CEP43: variants seen among roughly 807,000 people sequenced by gnomAD.
CEP43 encodes FGFR1 oncogene partner.
Under a neutral mutation model 52.6 loss-of-function variants are expected in CEP43, and 36 were observed. That is an observed-to-expected ratio of 0.68 (90% CI 0.52 to 0.90). The LOEUF is 0.90. CEP43 is among the 40% of genes least tolerant of loss of function. The pLI is 0.00. For synonymous variants in CEP43, 192 were observed against 172.4 expected (o/e 1.11, Z -0.89); for missense variants, 506 against 472.8 (o/e 1.07, Z -0.65).
chr6:167,017,975 CAT>C (rs141419274), intron 7 of CEP43, among the ~76,000 whole-genome samples: 3,102 of 152,298 alleles, frequency 0.02, 50 homozygotes, highest in East Asian at 0.091. Context: ...TAAAACAACA[CAT>C]GTGTTGTGTC....
Position 167,009,346 on chromosome 6 carries a change from C to G in CEP43, c.439-1467C>G, listed in dbSNP as rs534972217. Among the ~76,000 whole-genome samples the G allele has an allele frequency of 4.6e-5, 7 of 151,716 alleles. No homozygotes were observed. In the South Asian group the frequency reaches 1.5e-3, roughly 32 times the overall value. The stretch of plus-strand genomic sequence containing the variant: ...CCAACATAGTGAAACCCTCTGTCTA[C>G]TAAAACCACAAAAATTAGCTGGGCA... On this transcript the variant is annotated intron_variant, in intron 5 of 12. Coordinates refer to ENST00000366847, the MANE Select transcript of CEP43 (RefSeq NM_007045.4).
In CEP43 at chr6:167,033,883, A is replaced by G. The variant is rs1303957297; in HGVS notation, c.1037A>G (p.His346Arg). The change falls in exon 12 of 13, where the codon CAT (histidine) becomes CGT (arginine). Residue 346 changes from histidine (H) to arginine (R), a missense_variant. Coordinates refer to ENST00000366847, the MANE Select transcript of CEP43 (RefSeq NM_007045.4). ...TCCCCTTCTGAAATTAGTACCAGCCATCGCTCAGAGAAAAGTGAGATAAGT... is the reference window on the plus strand; with the variant it reads ...TCCCCTTCTGAAATTAGTACCAGCCGTCGCTCAGAGAAAAGTGAGATAAGT... ...DYVDDFNSTS[H>R]RSEKSEISIG... is the part of the protein sequence containing the mutation. 2 of 1,566,008 alleles carry G rather than the reference A, an allele frequency of 1.3e-6. No homozygotes were observed.
At position 167,026,634 on chromosome 6, in the gene CEP43, T is replaced by A. The variant is rs756516294; in HGVS notation, c.988+19T>A. ...GGATTAGGTAATTAGATTTCTAGTT[T>A]TTGTGCTGATCGTTTTAAAGTGATT... On this transcript the variant is annotated intron_variant, in intron 10 of 12. Transcript: ENST00000366847. 1 of 1,481,646 alleles carries A rather than the reference T, an allele frequency of 6.7e-7. No individual in the cohort carries two copies. The highest frequency in any genetic ancestry group is 9.4e-7 in the Non-Finnish European group (1 of 1,059,928). The allele number at this position is 1,481,646 out of a possible 1,614,324, so 91.8% of individuals were successfully genotyped here.
At position 167,030,241 on chromosome 6, in the gene CEP43, G is replaced by A. The variant is rs1472652563; in HGVS notation, c.989-2362G>A. On this transcript the variant is annotated intron_variant, in intron 10 of 12. Transcript: ENST00000366847. ...CCACATTGCAGCCACAGCCGTCCTC[G>A]CTGTCTCAGCTCAGTGTCCACCTCT... 3.9e-5 allele frequency among the ~76,000 whole-genome samples: 6 copies of A among 152,276 alleles called. No individual in the cohort carries two copies. The South Asian group carries it at 8.3e-4, about 21-fold the overall frequency.
intron 12 of CEP43, chr6:167,036,236 C>G: frequency 1.0e-6 from 1 of 985,350 alleles, no homozygotes; most frequent in Non-Finnish European, 1.2e-6. Context: ...CTTGGTTCTG[C>G]GAGGGCTGAG....
At chr6:167,012,375 T>A (rs1377201136) in intron 6 of CEP43, among the ~76,000 whole-genome samples, 1 of 152,154 alleles carries the variant, frequency 6.6e-6, no homozygotes, top group Non-Finnish European at 1.5e-5. Context: ...AAATTTTTTT[T>A]TTCCTAAATA....
chr6:167,018,943 A>C (rs1307650139), intron 7 of CEP43, among the ~76,000 whole-genome samples: 1 of 152,136 alleles, frequency 6.6e-6, no homozygotes, highest in East Asian at 1.9e-4. Flanking sequence ...TTATGATGGT[A>C]CAAAAGTGAT....
chr6:167,006,097 C>T (rs935851714), intron 5 of CEP43, among the ~76,000 whole-genome samples: 16 of 152,160 alleles, frequency 1.1e-4, no homozygotes, highest in African/African-American at 2.4e-4. Flanking sequence ...AGAAGTATCG[C>T]GCCTACAGGT....
intron 5 of CEP43, among the ~76,000 whole-genome samples, chr6:167,007,604 A>G (rs1455767428): frequency 1.3e-5 from 2 of 151,778 alleles, no homozygotes; most frequent in South Asian, 2.1e-4. Context: ...GTTTTCTATT[A>G]CTTTGGAAGA....
intron 7 of CEP43, among the ~76,000 whole-genome samples, chr6:167,015,711 C>T (rs558896019): frequency 6.6e-6 from 1 of 152,278 alleles, no homozygotes; most frequent in East Asian, 1.9e-4. Context: ...GTGGCTCACT[C>T]AGAGACCCTT....
In CEP43 at chr6:167,000,079, T is replaced by G. The variant is rs1402912970; in HGVS notation, c.122T>G (p.Val41Gly). 11 of 1,613,178 alleles carry G rather than the reference T, an allele frequency of 6.8e-6. No homozygotes were observed. The highest frequency in any genetic ancestry group is 9.3e-6 in the Non-Finnish European group (11 of 1,179,474). ...TTTAAGGCTGAACTCCGAGCAGCTG[T>G]GTTTTTAGCACTAGAGGAGCAAGAA... is the stretch of plus-strand genomic sequence containing the variant. ...NRIKAELRAA[V>G]FLALEEQEKV... Residue 41 changes from valine (V) to glycine (G), a missense_variant, in exon 2 of 13, where the codon GTG becomes GGG. By Grantham distance (109) the Val-to-Gly change is moderately radical. Coordinates refer to ENST00000366847, the MANE Select transcript of CEP43 (RefSeq NM_007045.4).
At chr6:167,021,669 G>C (rs1186671310) in intron 7 of CEP43, among the ~76,000 whole-genome samples, 1 of 152,088 alleles carries the variant, frequency 6.6e-6, no homozygotes. Context: ...GGATAAGGAT[G>C]ATTCAGAATT....
intron 10 of CEP43, among the ~76,000 whole-genome samples, chr6:167,032,053 G>A (rs1350732065): frequency 2.0e-5 from 3 of 152,170 alleles, no homozygotes; most frequent in Non-Finnish European, 2.9e-5. Context: ...GGCTTTGGCT[G>A]TACGTCAGAG....
chr6:166,999,712 A>G, intron 1 of CEP43, 198 bp downstream of exon 1: 1 of 485,392 alleles, frequency 2.1e-6, no homozygotes, highest in Non-Finnish European at 3.6e-6. Flanking sequence ...GTGGTCCCGG[A>G]GGGCACCGCG....
At chr6:167,001,874 C>T (rs940633481) in intron 2 of CEP43, among the ~76,000 whole-genome samples, 4 of 151,934 alleles carry the variant, frequency 2.6e-5, no homozygotes, top group Non-Finnish European at 5.9e-5. Context: ...GTCCTTTTTC[C>T]ACATTGCTCC....
rs1424325598 is a variant in CEP43, at chr6:167,042,866, A to AT, written c.*2892dup. 2.0e-5 allele frequency: 2 copies of AT among 100,608 alleles called. No homozygotes were observed. The highest frequency in any genetic ancestry group is 4.4e-5 in the Non-Finnish European group (2 of 45,374). The allele number at this position is 100,608 out of a possible 1,614,324, so 6.2% of individuals were successfully genotyped here. A position where few individuals can be genotyped will look rare whatever the true frequency, so the allele number is the denominator to read the frequency against. ...TAACTATGAGCTCGTGAGAACAGGG[A>AT]TTTTCTTTTAAACTGCTGTGTACCT... On this transcript the variant is annotated 3_prime_UTR_variant, in exon 13 of 13. Coordinates refer to ENST00000366847, the MANE Select transcript of CEP43 (RefSeq NM_007045.4).
In CEP43 at chr6:167,042,840, T is replaced by TGTGTGTG. The variant is rs1583297541; in HGVS notation, c.*2862_*2863insGTGTGTG. 1.0e-4 allele frequency: 1 copy of TGTGTGTG among 9,682 alleles called. No homozygotes were observed. The highest frequency in any genetic ancestry group is 2.9e-4 in the African/African-American group (1 of 3,416). The allele number at this position is 9,682 out of a possible 1,614,324, so 0.6% of individuals were successfully genotyped here. A position where few individuals can be genotyped will look rare whatever the true frequency, so the allele number is the denominator to read the frequency against. On this transcript the variant is annotated 3_prime_UTR_variant, in exon 13 of 13. Coordinates refer to ENST00000366847, the MANE Select transcript of CEP43 (RefSeq NM_007045.4). ...TGTGTGTGTGTGTGTGTGTGTGTGT[T>TGTGTGTG]TAACTATGAGCTCGTGAGAACAGGG...
At chr6:167,017,680 T>A (rs1055586713) in intron 7 of CEP43, among the ~76,000 whole-genome samples, 7 of 152,042 alleles carry the variant, frequency 4.6e-5, no homozygotes, top group African/African-American at 1.7e-4. Context: ...ACTTCTCTAG[T>A]GCTGACTTTT....
Position 167,041,320 on chromosome 6 carries a change from T to A in CEP43, c.*1342T>A. 8 of 1,054,742 alleles carry A rather than the reference T, an allele frequency of 7.6e-6. No individual in the cohort carries two copies. The highest frequency in any genetic ancestry group is 9.2e-6 in the Non-Finnish European group (8 of 872,606). The allele number at this position is 1,054,742 out of a possible 1,614,324, so 65.3% of individuals were successfully genotyped here. A position where few individuals can be genotyped will look rare whatever the true frequency, so the allele number is the denominator to read the frequency against. On this transcript the variant is annotated 3_prime_UTR_variant, in exon 13 of 13. Coordinates refer to ENST00000366847, the MANE Select transcript of CEP43 (RefSeq NM_007045.4). ...GGCTGTGTAACAGAATCTGGCTTTT[T>A]AAAATTTAAGTGAAACTAAGCTGTA...
Sources: gnomAD v4.1 joint callset for allele counts (sites outside exome capture counted in the v4.1 genomes callset) on GRCh38, gnomAD v4.1.1 for gene constraint, MANE v1.5 for transcripts, NCBI Gene and HGNC (gene_info 2026-07-23, HGNC 2026-07-21) for gene names.